The following PAQR7 variants were observed in gnomAD, a reference collection of about 807,000 sequenced individuals.
PAQR7 encodes the protein membrane progestin receptor alpha.
PAQR7 carries 14 observed loss-of-function variants against 24.6 expected under a neutral mutation model. The ratio of observed to expected loss-of-function variants is 0.57; its 90% CI spans 0.38 to 0.89. The LOEUF (loss-of-function observed/expected upper bound fraction) is 0.89, where lower values mean the gene tolerates loss of function less well. Among genes scored for constraint, PAQR7 ranks in the 40% least tolerant of loss-of-function variants. The probability of loss-of-function intolerance (pLI) is 0.00; values close to 1 mark genes in which losing one functional copy is unlikely to be tolerated. For synonymous variants in PAQR7, 189 were observed against 198.8 expected (o/e 0.95, Z 0.42); for missense variants, 351 against 444.0 (o/e 0.79, Z 1.88).
chr1:25,865,575 C>T (rs1230633565), intron 2 of PAQR7, among the ~76,000 whole-genome samples: 5 of 151,330 alleles, frequency 3.3e-5, no homozygotes, highest in East Asian at 2.0e-4. Context: ...TTTGGGAGGC[C>T]GAGGCGGGCG....
At chr1:25,864,550 A>G (rs2048541270) in intron 2 of PAQR7, among the ~76,000 whole-genome samples, 1 of 152,044 alleles carries the variant, frequency 6.6e-6, no homozygotes, top group Non-Finnish European at 1.5e-5. Flanking sequence ...GCAAACCCCT[A>G]TTCATTCCTC....
In PAQR7 at chr1:25,861,862, G is replaced by A. The variant is rs1022566792; in HGVS notation, c.*937C>T. On this transcript the variant is annotated 3_prime_UTR_variant, in exon 3 of 3. Transcript: ENST00000675840. ...AAACCCCGTCTCTACTAAAAATACA[G>A]AAAATTAGCCAGGCATGGTGGTGCA... 10 of 151,512 alleles carry A rather than the reference G, an allele frequency of 6.6e-5. No homozygotes were observed. The highest frequency in any genetic ancestry group is 1.9e-4 in the African/African-American group (8 of 41,220). 9.4% of individuals were successfully genotyped at this position (151,512 alleles called of 1,614,324 possible).
At position 25,875,258 on chromosome 1, in the gene PAQR7, C is replaced by T. The variant is rs992589465; in HGVS notation, c.-109+230G>A. 1.3e-5 allele frequency among the ~76,000 whole-genome samples: 2 copies of T among 152,242 alleles called. No homozygotes were observed. The highest frequency in any genetic ancestry group is 2.9e-5 in the Non-Finnish European group (2 of 68,052). ...GCCCCCATCCAGCGAGCTCCTCCTT[C>T]CTGCGCCCTCCGCTGGCTGCTTCCC... On this transcript the variant is annotated intron_variant, in intron 1 of 2. Transcript: ENST00000675840. The surrounding 1 kb of genome is among the most constrained non-coding windows in gnomAD (Gnocchi z 5.4).
At chr1:25,870,886 CAAT>C (rs2048597946) in intron 1 of PAQR7, 192 bp from the exon 2 acceptor site, 1 of 152,190 alleles carries the variant, frequency 6.6e-6, no homozygotes, top group African/African-American at 2.4e-5. Context: ...ATGGGAATGA[CAAT>C]ATTATCTACC....
chr1:25,868,223 A>C (rs1039343051), intron 2 of PAQR7, among the ~76,000 whole-genome samples: 5 of 152,190 alleles, frequency 3.3e-5, no homozygotes, highest in African/African-American at 1.2e-4. Context: ...GAGCCCAGAA[A>C]CTGGAAGGCC....
rs771813864 is a variant in PAQR7, at chr1:25,863,152, C to T, written c.688G>A (p.Asp230Asn). 6 of 1,614,094 alleles carry T rather than the reference C, an allele frequency of 3.7e-6. No homozygotes were observed. The highest frequency in any genetic ancestry group is 2.2e-5 in the South Asian group (2 of 91,056). ...PVVHRIFVSS[D>N]PTTDDPALLY... ...AGAGCTGGATCATCCGTGGTGGGGT[C>T]GGAGGACACGAAGATACGATGCACC... Residue 230 changes from aspartate (D) to asparagine (N), a missense_variant, in exon 3 of 3, where the codon GAC (aspartate) becomes AAC (asparagine). Coordinates refer to ENST00000675840, the MANE Select transcript of PAQR7 (RefSeq NM_178422.6). The surrounding 1 kb of genome is among the most constrained non-coding windows in gnomAD (Gnocchi z 6.1).
intron 2 of PAQR7, among the ~76,000 whole-genome samples, chr1:25,869,109 AGAGT>A (rs1005409335): frequency 7.9e-5 from 12 of 152,304 alleles, no homozygotes; most frequent in Middle Eastern, 3.4e-3. Context: ...CCTGGGCAAC[AGAGT>A]GAGACTCCAT....
Position 25,863,653 on chromosome 1 carries a change from G to A in PAQR7, c.187C>T (p.Arg63Cys), listed in dbSNP as rs762787343. 6.8e-6 allele frequency: 11 copies of A among 1,614,044 alleles called. No homozygotes were observed. Among genetic ancestry groups the A allele is most frequent in the African/African-American group, 5.3e-5 (4 of 74,938 alleles). The part of the protein sequence containing the change: ...PLHQTWRFYF[R>C]TLFQQHNEAV... Reference sequence around the variant, plus strand: ...TCGTTGTGCTGCTGGAACAGCGTGCGGAAATAGAAGCGCCAGGTCTGATGC... The same window carrying A: ...TCGTTGTGCTGCTGGAACAGCGTGCAGAAATAGAAGCGCCAGGTCTGATGC... The change falls in exon 3 of 3, where the codon CGC becomes TGC. Residue 63 changes from arginine to cysteine, a missense_variant. Arg to Cys is a radical substitution (Grantham distance 180, BLOSUM62 -3). Coordinates refer to ENST00000675840, the MANE Select transcript of PAQR7 (RefSeq NM_178422.6). This position sits in a 1 kb window ranked among gnomAD's most constrained non-coding sequence, Gnocchi z 6.1.
chr1:25,864,678 T>C (rs902533430), intron 2 of PAQR7, among the ~76,000 whole-genome samples: 3 of 151,986 alleles, frequency 2.0e-5, no homozygotes, highest in Non-Finnish European at 4.4e-5. Context: ...GGCAATGTAG[T>C]GAGATCCTAT....
At chr1:25,874,705 C>A (rs1246575234) in intron 1 of PAQR7, among the ~76,000 whole-genome samples, 1 of 152,228 alleles carries the variant, frequency 6.6e-6, no homozygotes, top group Non-Finnish European at 1.5e-5. Flanking sequence ...TTGGCTTGAC[C>A]TAGCCCCACA....
At chr1:25,869,323 G>C (rs758511363) in intron 2 of PAQR7, among the ~76,000 whole-genome samples, 19 of 152,082 alleles carry the variant, frequency 1.2e-4, no homozygotes, top group Non-Finnish European at 1.9e-4. Context: ...TGTAATCCCA[G>C]CTCACTGGGA....
At chr1:25,864,199 AAAG>A (rs1391333669) in intron 2 of PAQR7, among the ~76,000 whole-genome samples, 1 of 152,158 alleles carries the variant, frequency 6.6e-6, no homozygotes, top group Admixed American at 6.5e-5. Context: ...TTTCTCTCCT[AAAG>A]AACAGATCTG....
rs370589699 is a variant in PAQR7 at position 25,862,929 on chromosome 1, T to C, written c.911A>G (p.Tyr304Cys). Residue 304 changes from tyrosine (Y) to cysteine (C), a missense_variant, in exon 3 of 3, where the codon TAT (tyrosine) becomes TGT (cysteine). By Grantham distance (194) the Tyr-to-Cys change is radical (BLOSUM62 -2). Coordinates refer to ENST00000675840, the MANE Select transcript of PAQR7 (RefSeq NM_178422.6). ...ALDYEARRPI[Y>C]EPLHTHWPHN... ...AGGCCAGTGCGTGTGCAGAGGCTCA[T>C]AGATGGGCCGTCGGGCCTCATAGTC... 1.4e-5 allele frequency: 22 copies of C among 1,613,744 alleles called. No homozygotes were observed. The highest frequency in any genetic ancestry group is 3.3e-5 in the Admixed American group (2 of 59,950).
chr1:25,875,426 G>A lies in PAQR7; in HGVS notation c.-109+62C>T, dbSNP rs1001400400. 6.6e-6 allele frequency among the ~76,000 whole-genome samples: 1 copy of A among 151,210 alleles called. No individual in the cohort carries two copies. Among genetic ancestry groups the A allele is most frequent in the Non-Finnish European group, 1.5e-5 (1 of 67,860 alleles). ...CCCCGCAGCCCCGCAGCCCCGCCGC[G>A]CCCCGTGGAGAGCACCCTCGTCTGC... On this transcript the variant is annotated intron_variant, in intron 1 of 2. Transcript: ENST00000675840. The surrounding 1 kb of genome is among the most constrained non-coding windows in gnomAD (Gnocchi z 5.4).
At chr1:25,874,972 G>T (rs1451030782) in intron 1 of PAQR7, among the ~76,000 whole-genome samples, 1 of 152,112 alleles carries the variant, frequency 6.6e-6, no homozygotes, top group Non-Finnish European at 1.5e-5. Context: ...CACATCAGCC[G>T]GTTCTGGGCA....
chr1:25,870,055 C>T (rs2048590717), intron 2 of PAQR7, among the ~76,000 whole-genome samples: 1 of 152,170 alleles, frequency 6.6e-6, no homozygotes, highest in Non-Finnish European at 1.5e-5. Context: ...CACCTCCTGA[C>T]TCCATGGAAA....
intron 1 of PAQR7, among the ~76,000 whole-genome samples, chr1:25,874,904 C>T (rs913285796): frequency 6.6e-6 from 1 of 152,170 alleles, no homozygotes; most frequent in African/African-American, 2.4e-5. Flanking sequence ...GCAAGTGCCC[C>T]TCTTGGCCCC....
Position 25,863,797 on chromosome 1 carries a change from G to T in PAQR7, c.43C>A (p.Arg15=). The change falls in exon 3 of 3, where the codon CGG becomes AGG. Residue 15 remains arginine (R), a synonymous_variant. Coordinates refer to ENST00000675840, the MANE Select transcript of PAQR7 (RefSeq NM_178422.6). This position sits in a 1 kb window ranked among gnomAD's most constrained non-coding sequence, Gnocchi z 6.1. ...AGCTGAGGCTCCTGGATGACCTGCC[G>T]CAGACTCGGCAGGAGGTGGCTGAGT... The part of the protein sequence containing the change: ...QKLSHLLPSL[R]QVIQEPQLSL... The T allele has an allele frequency of 6.2e-7, 1 of 1,613,384 alleles. No individual in the cohort carries two copies. Among genetic ancestry groups the T allele is most frequent in the Non-Finnish European group, 8.5e-7 (1 of 1,179,856 alleles).
chr1:25,864,109 A>C (rs2048537155), intron 2 of PAQR7, among the ~76,000 whole-genome samples: 1 of 152,180 alleles, frequency 6.6e-6, no homozygotes, highest in Non-Finnish European at 1.5e-5. Context: ...TAAATGTTTG[A>C]GGAATGTATT....
Sources: gnomAD v4.1 joint callset for allele counts (sites outside exome capture counted in the v4.1 genomes callset) on GRCh38, gnomAD v4.1.1 for gene constraint, Gnocchi (gnomAD v3.1) non-coding constraint, MANE v1.5 for transcripts, NCBI Gene and HGNC (gene_info 2026-07-23, HGNC 2026-07-21) for gene names.